The following NCKAP5 variants were observed in gnomAD, a reference collection of about 807,000 sequenced individuals.
NCKAP5 encodes NCK associated protein 5, also known as nck-associated protein 5.
NCKAP5 carries 92 observed loss-of-function variants against 167.0 expected under a neutral mutation model. That is an observed-to-expected ratio of 0.55 (90% CI 0.47 to 0.66). The LOEUF is 0.66. NCKAP5 is among the 30% of genes least tolerant of loss of function. The probability of loss-of-function intolerance (pLI) is 0.00; values close to 1 mark genes in which losing one functional copy is unlikely to be tolerated. For missense variants in NCKAP5, 2,378 were observed against 2,315.0 expected (o/e 1.03, Z -0.56); for synonymous variants, 891 against 877.4 (o/e 1.02, Z -0.27).
chr2:133,588,670 C>T, the NCKAP5 span, among the ~76,000 whole-genome samples: 2 of 152,094 alleles, frequency 1.3e-5, no homozygotes, highest in African/African-American at 2.4e-5. Context: ...AGGCAATAAA[C>T]ACATAAACAA....
intron 11 of NCKAP5, among the ~76,000 whole-genome samples, chr2:132,817,813 G>T (rs1045133803): frequency 6.6e-6 from 1 of 152,170 alleles, no homozygotes; most frequent in Non-Finnish European, 1.5e-5. Context: ...AGTGTGGTTT[G>T]TGTCCACAGA....
At chr2:133,600,616 C>T in the NCKAP5 span, among the ~76,000 whole-genome samples, 2 of 152,180 alleles carry the variant, frequency 1.3e-5, no homozygotes, top group Non-Finnish European at 2.9e-5. Context: ...CAGGAGATAT[C>T]GCTGGCACCC....
intron 6 of NCKAP5, among the ~76,000 whole-genome samples, chr2:133,026,564 A>C (rs1348835960): frequency 6.6e-6 from 1 of 152,134 alleles, no homozygotes; most frequent in Non-Finnish European, 1.5e-5. Flanking sequence ...ACAAACCATA[A>C]AGACTTATTG....
chr2:132,873,947 T>A (rs1485613498), intron 9 of NCKAP5, among the ~76,000 whole-genome samples: 1 of 152,084 alleles, frequency 6.6e-6, no homozygotes. Flanking sequence ...TGCTGGGTCC[T>A]GCAAAAATAA....
intron 1 of NCKAP5, among the ~76,000 whole-genome samples, chr2:133,563,564 T>TAAAAAAAAAA (rs57901498): frequency 1.9e-4 from 10 of 53,014 alleles, no homozygotes; most frequent in African/African-American, 6.3e-4. Flanking sequence ...AAAGACTCCA[T>TAAAAAAAAAA]AAAAAAAAAA....
the NCKAP5 span, among the ~76,000 whole-genome samples, chr2:133,674,294 G>A: frequency 3.3e-5 from 5 of 151,996 alleles, no homozygotes; most frequent in African/African-American, 9.6e-5. Context: ...GCTGCGGAAT[G>A]AATCAGACAA....
intron 4 of NCKAP5, among the ~76,000 whole-genome samples, chr2:133,244,136 A>G (rs2087862317): frequency 6.6e-6 from 1 of 152,106 alleles, no homozygotes; most frequent in Admixed American, 6.6e-5. Flanking sequence ...ATTTTTTGAG[A>G]TTTGTCATTT....
chr2:133,290,728 C>CTTTTTTTTTTTTTTTTTT (rs58758295), intron 4 of NCKAP5, among the ~76,000 whole-genome samples: 23 of 89,350 alleles, frequency 2.6e-4, no homozygotes, highest in South Asian at 4.4e-4. Context: ...AGAATTTCTC[C>CTTTTTTTTTTTTTTTTTT]TTTTTTTTTT....
chr2:133,193,860 AT>A (rs1400997978), intron 5 of NCKAP5, among the ~76,000 whole-genome samples: 1 of 152,108 alleles, frequency 6.6e-6, no homozygotes, highest in Non-Finnish European at 1.5e-5. Flanking sequence ...TCCAAAGTAT[AT>A]TTTAAAAGAC....
At chr2:133,087,593 A>G (rs867086338) in intron 6 of NCKAP5, among the ~76,000 whole-genome samples, 35 of 152,230 alleles carry the variant, frequency 2.3e-4, no homozygotes, top group Middle Eastern at 6.8e-3. Context: ...TTTCCCTCCA[A>G]ACATTTATGC....
At chr2:132,879,738 C>A (rs74660400) in intron 8 of NCKAP5, among the ~76,000 whole-genome samples, 1 of 152,176 alleles carries the variant, frequency 6.6e-6, no homozygotes, top group Non-Finnish European at 1.5e-5. Flanking sequence ...CTTGGCTCTA[C>A]GTGCCCCTTC....
intron 3 of NCKAP5, among the ~76,000 whole-genome samples, chr2:133,487,652 T>C (rs1681030478): frequency 6.6e-6 from 1 of 152,168 alleles, no homozygotes; most frequent in South Asian, 2.1e-4. Flanking sequence ...ATCAGTCCCC[T>C]GGAGAAGGGC....
intron 11 of NCKAP5, among the ~76,000 whole-genome samples, chr2:132,798,256 TCATCTTG>T (rs1351081032): frequency 6.6e-6 from 1 of 152,168 alleles, no homozygotes; most frequent in African/African-American, 2.4e-5. Flanking sequence ...ACAATTTATC[TCATCTTG>T]CAATCTCCGG....
At chr2:132,712,453 C>T (rs1330796524) in intron 19 of NCKAP5, among the ~76,000 whole-genome samples, 1 of 152,108 alleles carries the variant, frequency 6.6e-6, no homozygotes, top group African/African-American at 2.4e-5. Flanking sequence ...AGATTGGGAC[C>T]ATCCTGGCTA....
intron 6 of NCKAP5, among the ~76,000 whole-genome samples, chr2:133,108,645 T>C (rs1211225197): frequency 6.6e-6 from 1 of 152,338 alleles, no homozygotes; most frequent in East Asian, 1.9e-4. Context: ...CCAGAACGTA[T>C]TCATCCTTCA....
intron 13 of NCKAP5, among the ~76,000 whole-genome samples, chr2:132,788,635 GC>G: frequency 6.6e-6 from 1 of 152,252 alleles, no homozygotes; most frequent in Middle Eastern, 3.4e-3. Flanking sequence ...AGGCTGTGCT[GC>G]ATATGGTAAT....
At chr2:133,002,660 C>T (rs751393272) in intron 6 of NCKAP5, among the ~76,000 whole-genome samples, 1 of 152,220 alleles carries the variant, frequency 6.6e-6, no homozygotes, top group Non-Finnish European at 1.5e-5. Flanking sequence ...CAGAGCCAAG[C>T]CTTGACCCGT....
At position 133,428,019 on chromosome 2, in the gene NCKAP5, A is replaced by G. The variant is rs187052728; in HGVS notation, c.69+89439T>C. Among the ~76,000 whole-genome samples the G allele has an allele frequency of 5.2e-4, 79 of 152,252 alleles. 3 individuals are homozygous for G. The East Asian group carries it at 0.013, about 26-fold the overall frequency. On this transcript the variant is annotated intron_variant, in intron 3 of 19. Coordinates refer to ENST00000409261, the MANE Select transcript of NCKAP5 (RefSeq NM_207363.3). The stretch of plus-strand genomic sequence containing the variant: ...GGATACAGGTATTATCATAAAAGTG[A>G]TGATTGTTCCCAAAGTAATACATAA...
intron 3 of NCKAP5, among the ~76,000 whole-genome samples, chr2:133,356,203 A>G (rs1184320318): frequency 6.6e-6 from 1 of 152,186 alleles, no homozygotes; most frequent in Non-Finnish European, 1.5e-5. Context: ...CTGGGATTAC[A>G]GGCATGAGCC....
Sources: allele counts gnomAD v4.1 joint callset (sites outside exome capture counted in the v4.1 genomes callset), GRCh38; gene constraint gnomAD v4.1.1; transcripts MANE v1.5; gene names NCBI Gene and HGNC (gene_info 2026-07-23, HGNC 2026-07-21).